The following PKDREJ variants were observed in gnomAD, a reference collection of about 807,000 sequenced individuals.
PKDREJ encodes PKD and REJ homolog.
For missense variants in PKDREJ, 2,507 were observed against 2,807.2 expected, an observed-to-expected ratio of 0.89 and a Z score of 2.42; for synonymous variants, 1,031 against 1,095.5, an observed-to-expected ratio of 0.94 and a Z score of 1.16.
In PKDREJ at chr22:46,257,329, A is replaced by C. The variant is rs372683028; in HGVS notation, c.5994T>G (p.Tyr1998Ter). Residue 1998 changes from tyrosine to a stop codon, truncating the protein, a stop_gained, in exon 1 of 1, where the codon TAT becomes TAG. Transcript: ENST00000253255. LOFTEE classifies it low-confidence loss of function (END_TRUNC). The surrounding 1 kb of genome is among the most constrained non-coding windows in gnomAD (Gnocchi z 4.7). ...ACTTTAAAGCAAAGTTGAGCAAATTATACACACTTCTCACATAGGAGGCTC... is the reference window on the plus strand; with the variant it reads ...ACTTTAAAGCAAAGTTGAGCAAATTCTACACACTTCTCACATAGGAGGCTC... ...QERASYVRSVYNLLNFALKCI... is the reference protein window; with the variant it reads ...QERASYVRSV The C allele has an allele frequency of 6.2e-7, 1 of 1,613,994 alleles. No individual in the cohort carries two copies. Among genetic ancestry groups the C allele is most frequent in the African/African-American group, 1.3e-5 (1 of 74,944 alleles).
rs1381486862 is a variant in PKDREJ at position 46,263,035 on chromosome 22, C to T, written c.288G>A (p.Leu96=). 1.5e-6 allele frequency: 2 copies of T among 1,323,288 alleles called. No individual in the cohort carries two copies. Among genetic ancestry groups the T allele is most frequent in the South Asian group, 1.5e-5 (1 of 65,366 alleles). The allele number at this position is 1,323,288 out of a possible 1,614,324, so 82.0% of individuals were successfully genotyped here. The change falls in exon 1 of 1, where the codon CTG becomes CTA. Residue 96 remains leucine, a synonymous_variant. Transcript: ENST00000253255. This position sits in a 1 kb window ranked among gnomAD's most constrained non-coding sequence, Gnocchi z 9.4. ...GCCAGGGCAGGCGTTGGGCGCTGAG[C>T]AGGACGCGCAAGTCGAGGCAGTACC... ...RRWYCLDLRV[L]LSAQRLPWPA...
rs748253206 is a variant in PKDREJ at position 46,257,123 on chromosome 22, C to A, written c.6200G>T (p.Arg2067Met). 6.8e-6 allele frequency: 11 copies of A among 1,613,930 alleles called. No individual in the cohort carries two copies. In the Admixed American group the frequency reaches 1.8e-4, roughly 27 times the overall value. The change falls in exon 1 of 1, where the codon AGG (arginine) becomes ATG (methionine). Residue 2067 changes from arginine to methionine, a missense_variant. Arg to Met is a moderately conservative substitution (Grantham distance 91). Transcript: ENST00000253255. This position sits in a 1 kb window ranked among gnomAD's most constrained non-coding sequence, Gnocchi z 4.7. ...LLFLTILKTL[R>M]YSRFFYDVRL... The stretch of plus-strand genomic sequence containing the variant: ...CACATCGTAGAAGAATCTGGAATAC[C>A]TGAGGGTCTTCAAAATTGTCAGAAA...
Position 46,261,058 on chromosome 22 carries a change from T to C in PKDREJ, c.2265A>G (p.Val755=). The change falls in exon 1 of 1, where the codon GTA becomes GTG. Residue 755 remains valine (V), a synonymous_variant. Transcript: ENST00000253255. This position sits in a 1 kb window ranked among gnomAD's most constrained non-coding sequence, Gnocchi z 7.1. ...PVSTLVEIGQ[V]VMTITKLTQK... is the part of the protein sequence containing the mutation. ...GGGTTAATTTGGTAATAGTCATGAC[T>C]ACCTGGCCAATTTCTACCAAAGTGC... is the stretch of plus-strand genomic sequence containing the variant. 1 of 1,614,160 alleles carries C rather than the reference T, an allele frequency of 6.2e-7. No homozygotes were observed. Among genetic ancestry groups the C allele is most frequent in the Non-Finnish European group, 8.5e-7 (1 of 1,179,982 alleles).
chr22:46,258,929 T>G lies in PKDREJ; in HGVS notation c.4394A>C (p.Gln1465Pro). Residue 1465 changes from glutamine to proline, a missense_variant, in exon 1 of 1, where the codon CAA (glutamine) becomes CCA (proline). Physicochemically the swap from Gln to Pro is moderately conservative, Grantham distance 76. Coordinates refer to ENST00000253255, the MANE Select transcript of PKDREJ (RefSeq NM_006071.2). This position sits in a 1 kb window ranked among gnomAD's most constrained non-coding sequence, Gnocchi z 6.1. ...PQADLKEVSP[Q>P]KHPLMSEASE... ...TGCTTCTGACATTAGAGGATGCTTT[T>G]GAGGAGATACCTCCTTTAGATCCGC... The G allele has an allele frequency of 6.2e-7, 1 of 1,614,192 alleles. No individual in the cohort carries two copies. The highest frequency in any genetic ancestry group is 8.5e-7 in the Non-Finnish European group (1 of 1,180,032).
rs966805421 is a variant in PKDREJ, at chr22:46,262,596, C to T, written c.727G>A (p.Ala243Thr). The change falls in exon 1 of 1, where the codon GCC becomes ACC. Residue 243 changes from alanine to threonine, a missense_variant. Coordinates refer to ENST00000253255, the MANE Select transcript of PKDREJ (RefSeq NM_006071.2). The surrounding 1 kb of genome is among the most constrained non-coding windows in gnomAD (Gnocchi z 8.1). The stretch of plus-strand genomic sequence containing the variant: ...GCCGGGCAGTCCAGCTGCACCGAGG[C>T]GTTGATGGTGGCCTCCGCCTGCATG... ...LSMQAEATIN[A>T]SVQLDCPAAR... 2 of 1,611,610 alleles carry T rather than the reference C, an allele frequency of 1.2e-6. No individual in the cohort carries two copies. The highest frequency in any genetic ancestry group is 1.7e-6 in the Non-Finnish European group (2 of 1,179,172).
In PKDREJ at chr22:46,259,601, C is replaced by T. The variant is rs199926885; in HGVS notation, c.3722G>A (p.Arg1241His). The part of the protein sequence containing the change: ...CYLVTIFTGS[R>H]WGSGTRANVF... The stretch of plus-strand genomic sequence containing the variant: ...ATTGGCCCTGGTCCCAGACCCCCAA[C>T]GACTTCCTGTAAAAATAGTCACCAA... The change falls in exon 1 of 1, where the codon CGT becomes CAT. Residue 1241 changes from arginine (R) to histidine (H), a missense_variant. By Grantham distance (29) the Arg-to-His change is conservative. Transcript: ENST00000253255. The surrounding 1 kb of genome is among the most constrained non-coding windows in gnomAD (Gnocchi z 6.8). 5.4e-5 allele frequency: 87 copies of T among 1,614,188 alleles called. 1 individual carries two copies. Among genetic ancestry groups the T allele is most frequent in the Non-Finnish European group, 6.4e-5 (76 of 1,180,024 alleles).
Position 46,263,222 on chromosome 22 carries a change from A to G in PKDREJ, c.101T>C (p.Val34Ala). ...GAGGAGGCCACCGGGCGCCCCGGAG[A>G]CGGCGGCTTGTGCCCCGCGAGGAAC... ...PPVPRGAQAA[V>A]SGAPGGLLRG... The change falls in exon 1 of 1, where the codon GTC becomes GCC. Residue 34 changes from valine (V) to alanine (A), a missense_variant. Physicochemically the swap from Val to Ala is moderately conservative, Grantham distance 64 (BLOSUM62 0). Coordinates refer to ENST00000253255, the MANE Select transcript of PKDREJ (RefSeq NM_006071.2). The surrounding 1 kb of genome is among the most constrained non-coding windows in gnomAD (Gnocchi z 9.4). 7.0e-7 allele frequency: 1 copy of G among 1,435,830 alleles called. No individual in the cohort carries two copies. Among genetic ancestry groups the G allele is most frequent in the Non-Finnish European group, 9.1e-7 (1 of 1,100,232 alleles). 88.9% of individuals were successfully genotyped at this position (1,435,830 alleles called of 1,614,324 possible). A position where few individuals can be genotyped will look rare whatever the true frequency, so the allele number is the denominator to read the frequency against.
rs1483443709 is a variant in PKDREJ at position 46,260,338 on chromosome 22, C to T, written c.2985G>A (p.Arg995=). The change falls in exon 1 of 1, where the codon AGG becomes AGA. Residue 995 remains arginine, a synonymous_variant. Transcript: ENST00000253255. The surrounding 1 kb of genome is among the most constrained non-coding windows in gnomAD (Gnocchi z 4.5). ...CTGTTACTATGTGGACCAGAACCTCCCTAAGCACTGTGCTGTCCACTTGAA... is the reference window on the plus strand; with the variant it reads ...CTGTTACTATGTGGACCAGAACCTCTCTAAGCACTGTGCTGTCCACTTGAA... ...FSFQVDSTVL[R]EVLVHIVTEV... 3 of 1,614,076 alleles carry T rather than the reference C, an allele frequency of 1.9e-6. No homozygotes were observed. The highest frequency in any genetic ancestry group is 2.5e-6 in the Non-Finnish European group (3 of 1,180,042).
Position 46,259,478 on chromosome 22 carries a change from A to G in PKDREJ, c.3845T>C (p.Phe1282Ser). The change falls in exon 1 of 1, where the codon TTC (phenylalanine) becomes TCC (serine). Residue 1282 changes from phenylalanine (F) to serine (S), a missense_variant. Transcript: ENST00000253255. The surrounding 1 kb of genome is among the most constrained non-coding windows in gnomAD (Gnocchi z 6.8). ...CAAGTCACTTTTTGTCGTTAGGAGG[A>G]AAGTGTTGATGCTACCTCGGTAGAG... ...TTLYRGSINT[F>S]LLTTKSDLGD... is the part of the protein sequence containing the mutation. The G allele has an allele frequency of 6.2e-7, 1 of 1,614,144 alleles. No homozygotes were observed. The highest frequency in any genetic ancestry group is 8.5e-7 in the Non-Finnish European group (1 of 1,180,020).
rs1936674947 is a variant in PKDREJ, at chr22:46,259,817, G to A, written c.3506C>T (p.Pro1169Leu). 1 of 1,613,684 alleles carries A rather than the reference G, an allele frequency of 6.2e-7. No homozygotes were observed. Among genetic ancestry groups the A allele is most frequent in the African/African-American group, 1.3e-5 (1 of 74,890 alleles). The change falls in exon 1 of 1, where the codon CCT becomes CTT. Residue 1169 changes from proline (P) to leucine (L), a missense_variant. Pro to Leu is a moderately conservative substitution (Grantham distance 98, BLOSUM62 -3). Transcript: ENST00000253255. This position sits in a 1 kb window ranked among gnomAD's most constrained non-coding sequence, Gnocchi z 6.8. ...VMAKVIVIPN[P>L]VDLRLNIIKS... ...GATGATGTTTAACCGTAGATCCACA[G>A]GATTAGGGATCACAATCACCTTGGC... is the stretch of plus-strand genomic sequence containing the variant.
chr22:46,263,112 G>C lies in PKDREJ; in HGVS notation c.211C>G (p.Leu71Val). The part of the protein sequence containing the change: ...PSAVRAGGAV[L>V]SGRGSLCFPH... ...AAGCAGAGGCTGCCGCGGCCGCTCAGGACAGCGCCGCCCGCCCGCACCGCG... is the reference window on the plus strand; with the variant it reads ...AAGCAGAGGCTGCCGCGGCCGCTCACGACAGCGCCGCCCGCCCGCACCGCG... The change falls in exon 1 of 1, where the codon CTG becomes GTG. Residue 71 changes from leucine to valine, a missense_variant. Coordinates refer to ENST00000253255, the MANE Select transcript of PKDREJ (RefSeq NM_006071.2). This position sits in a 1 kb window ranked among gnomAD's most constrained non-coding sequence, Gnocchi z 9.4. The C allele has an allele frequency of 8.0e-7, 1 of 1,253,690 alleles. No individual in the cohort carries two copies. Among genetic ancestry groups the C allele is most frequent in the South Asian group, 2.2e-5 (1 of 45,102 alleles). 77.7% of individuals were successfully genotyped at this position (1,253,690 alleles called of 1,614,324 possible). A position where few individuals can be genotyped will look rare whatever the true frequency, so the allele number is the denominator to read the frequency against.
chr22:46,260,521 T>A lies in PKDREJ; in HGVS notation c.2802A>T (p.Thr934=), dbSNP rs1936684815. 1 of 1,614,102 alleles carries A rather than the reference T, an allele frequency of 6.2e-7. No homozygotes were observed. Among genetic ancestry groups the A allele is most frequent in the African/African-American group, 1.3e-5 (1 of 74,932 alleles). Residue 934 remains threonine, a synonymous_variant, in exon 1 of 1, where the codon ACA becomes ACT. Coordinates refer to ENST00000253255, the MANE Select transcript of PKDREJ (RefSeq NM_006071.2). The surrounding 1 kb of genome is among the most constrained non-coding windows in gnomAD (Gnocchi z 4.5). ...TSVEVSGFRM[T]GVADNGSVLE... is the part of the protein sequence containing the mutation. ...GCACACTACCGTTATCTGCAACTCC[T>A]GTCATTCTGAATCCAGACACCTCCA...
Position 46,260,176 on chromosome 22 carries a change from T to C in PKDREJ, c.3147A>G (p.Thr1049=). The part of the protein sequence containing the change: ...SQSALFDPAC[T]VKKARVVCLP... ...GGCAGACTACACGGGCCTTCTTCAC[T>C]GTGCAGGCTGGGTCAAACAGGGCAC... Residue 1049 remains threonine (T), a synonymous_variant, in exon 1 of 1, where the codon ACA becomes ACG. Coordinates refer to ENST00000253255, the MANE Select transcript of PKDREJ (RefSeq NM_006071.2). This position sits in a 1 kb window ranked among gnomAD's most constrained non-coding sequence, Gnocchi z 4.5. 3 of 1,614,140 alleles carry C rather than the reference T, an allele frequency of 1.9e-6. No individual in the cohort carries two copies. The highest frequency in any genetic ancestry group is 2.5e-6 in the Non-Finnish European group (3 of 1,180,024).
At position 46,261,588 on chromosome 22, in the gene PKDREJ, T is replaced by C. The variant is rs140880496; in HGVS notation, c.1735A>G (p.Lys579Glu). ...AAATTACTACACTGGACAACAAATTTAGTAATAAGTGCAATTCCTTTAGCT... is the reference window on the plus strand; with the variant it reads ...AAATTACTACACTGGACAACAAATTCAGTAATAAGTGCAATTCCTTTAGCT... ...NPAKGIALIT[K>E]FVVQCSNFRD... The change falls in exon 1 of 1, where the codon AAA becomes GAA. Residue 579 changes from lysine (K) to glutamate (E), a missense_variant. Lys to Glu is a moderately conservative substitution (Grantham distance 56). Transcript: ENST00000253255. The surrounding 1 kb of genome is among the most constrained non-coding windows in gnomAD (Gnocchi z 7.1). 3 of 1,613,900 alleles carry C rather than the reference T, an allele frequency of 1.9e-6. No homozygotes were observed. In the African/African-American group the frequency reaches 4.0e-5, roughly 22 times the overall value.
At position 46,262,352 on chromosome 22, in the gene PKDREJ, G is replaced by C. The variant is rs747662186; in HGVS notation, c.971C>G (p.Ser324Trp). 1.9e-5 allele frequency: 30 copies of C among 1,614,048 alleles called. No individual in the cohort carries two copies. In the African/African-American group the frequency reaches 2.3e-4, roughly 12 times the overall value. Residue 324 changes from serine to tryptophan, a missense_variant, in exon 1 of 1, where the codon TCG becomes TGG. Ser to Trp is a radical substitution (Grantham distance 177, BLOSUM62 -3). Coordinates refer to ENST00000253255, the MANE Select transcript of PKDREJ (RefSeq NM_006071.2). The surrounding 1 kb of genome is among the most constrained non-coding windows in gnomAD (Gnocchi z 8.1). ...GNPKMPEVKD[S>W]DAVYVWIVRS... ...GACGATCCAGACATAGACGGCGTCC[G>C]AGTCTTTCACCTCGGGCATCTTGGG... is the stretch of plus-strand genomic sequence containing the variant.
rs1366182561 is a variant in PKDREJ at position 46,259,847 on chromosome 22, A to T, written c.3476T>A (p.Val1159Glu). Reference protein sequence around the residue: ...LTGIHLHTHYVMAKVIVIPNP... With the variant: ...LTGIHLHTHYEMAKVIVIPNP... ...AGGGATCACAATCACCTTGGCCATC[A>T]CATAGTGGGTATGCAGGTGAATGCC... is the stretch of plus-strand genomic sequence containing the variant. Residue 1159 changes from valine (V) to glutamate (E), a missense_variant, in exon 1 of 1, where the codon GTG (valine) becomes GAG (glutamate). Transcript: ENST00000253255. This position sits in a 1 kb window ranked among gnomAD's most constrained non-coding sequence, Gnocchi z 6.8. 6.2e-7 allele frequency: 1 copy of T among 1,613,602 alleles called. No homozygotes were observed. The highest frequency in any genetic ancestry group is 1.1e-5 in the South Asian group (1 of 91,078).
Position 46,256,731 on chromosome 22 carries a change from G to C in PKDREJ, c.6592C>G (p.Arg2198Gly). Residue 2198 changes from arginine to glycine, a missense_variant, in exon 1 of 1, where the codon CGT becomes GGT. Coordinates refer to ENST00000253255, the MANE Select transcript of PKDREJ (RefSeq NM_006071.2). The surrounding 1 kb of genome is among the most constrained non-coding windows in gnomAD (Gnocchi z 5.3). ...AAGCTGAACATGGTTCTCAGCTTAC[G>C]GCACAAATAGGTCATTGCTTCCACT... ...DEVEAMTYLC[R>G]KLRTMFSFLT... The C allele has an allele frequency of 6.2e-7, 1 of 1,614,076 alleles. No individual in the cohort carries two copies. The highest frequency in any genetic ancestry group is 1.3e-5 in the African/African-American group (1 of 75,044).
rs1448151285 is a variant in PKDREJ at position 46,261,361 on chromosome 22, A to G, written c.1962T>C (p.Ser654=). 1.2e-6 allele frequency: 2 copies of G among 1,613,906 alleles called. No individual in the cohort carries two copies. Among genetic ancestry groups the G allele is most frequent in the Admixed American group, 3.3e-5 (2 of 60,018 alleles). ...GLKIYAQVYD[S]LGAFSQVTLH... ...AAGTCACCTGAGAAAAAGCTCCTAG[A>G]GAATCATAGACCTGGGCATATATCT... The change falls in exon 1 of 1, where the codon TCT becomes TCC. Residue 654 remains serine (S), a synonymous_variant. Transcript: ENST00000253255. This position sits in a 1 kb window ranked among gnomAD's most constrained non-coding sequence, Gnocchi z 7.1.
Position 46,262,397 on chromosome 22 carries a change from AC to A in PKDREJ, c.925del (p.Val309CysfsTer13). On this transcript the variant is annotated frameshift_variant, in exon 1 of 1. Transcript: ENST00000253255. LOFTEE classifies it low-confidence loss of function (END_TRUNC). The surrounding 1 kb of genome is among the most constrained non-coding windows in gnomAD (Gnocchi z 8.1). ...QWGVYVFNFT[V>X]SITTGNPKMP... ...CTTGGGGTTCCCTGTGGTGATGGAC[AC>A]CGTGAAATTAAACACATACACTCCC... is the stretch of plus-strand genomic sequence containing the variant. 1.2e-6 allele frequency: 2 copies of A among 1,614,000 alleles called. No homozygotes were observed. Among genetic ancestry groups the A allele is most frequent in the South Asian group, 2.2e-5 (2 of 91,084 alleles).
Sources: allele counts gnomAD v4.1 joint callset, GRCh38; gene constraint gnomAD v4.1.1; non-coding constraint Gnocchi (gnomAD v3.1); transcripts MANE v1.5; gene names NCBI Gene and HGNC (gene_info 2026-07-23, HGNC 2026-07-21).